The following RNF6 variants were observed in gnomAD, a reference collection of about 807,000 sequenced individuals.
The protein encoded by RNF6 is E3 ubiquitin-protein ligase RNF6.
RNF6 carries 21 observed loss-of-function variants against 50.1 expected under a neutral mutation model. The ratio of observed to expected loss-of-function variants is 0.42; its 90% CI spans 0.30 to 0.60. RNF6 has a LOEUF of 0.60. Among genes scored for constraint, RNF6 ranks in the 20% least tolerant of loss-of-function variants. The pLI is 0.20. For synonymous variants in RNF6, 255 were observed against 291.8 expected, an observed-to-expected ratio of 0.87 and a Z score of 1.29; for missense variants, 698 against 838.2, an observed-to-expected ratio of 0.83 and a Z score of 2.07.
chr13:26,168,283 T>A (rs7988263), intron 5 of RNF6, among the ~76,000 whole-genome samples: 113,220 of 152,088 alleles, frequency 0.74, 42,419 homozygotes, highest in East Asian at 0.8. Flanking sequence ...AGTGGACTGC[T>A]TGGTAATGGC....
At chr13:26,152,254 T>C (rs948396635) in intron 5 of RNF6, among the ~76,000 whole-genome samples, 1 of 152,248 alleles carries the variant, frequency 6.6e-6, no homozygotes, top group African/African-American at 2.4e-5. Context: ...GTGTGAAAGT[T>C]CTACGTTTCC....
chr13:26,221,999 C>T lies in RNF6; in HGVS notation c.-102+4G>A, dbSNP rs1053630982. 1 of 152,286 alleles carries T rather than the reference C, an allele frequency of 6.6e-6. No homozygotes were observed. Among genetic ancestry groups the T allele is most frequent in the Non-Finnish European group, 1.5e-5 (1 of 68,094 alleles). 9.4% of individuals were successfully genotyped at this position (152,286 alleles called of 1,614,324 possible). ...TGGGACCCAGATCTTTCCCTCGAGC[C>T]CACCTCTCCAGGTCTTGGGCCTTCG... is the stretch of plus-strand genomic sequence containing the variant. On this transcript the variant is annotated splice_donor_region_variant and intron_variant, in intron 1 of 4. Coordinates refer to ENST00000381588, the MANE Select transcript of RNF6 (RefSeq NM_005977.4).
intron 5 of RNF6, among the ~76,000 whole-genome samples, chr13:26,132,762 G>A (rs1209414393): frequency 6.6e-6 from 1 of 152,222 alleles, no homozygotes; most frequent in Non-Finnish European, 1.5e-5. Context: ...ATACATTTAT[G>A]TATGTAGCTG....
intron 5 of RNF6, among the ~76,000 whole-genome samples, chr13:26,143,575 T>C (rs1437143507): frequency 6.6e-6 from 1 of 152,198 alleles, no homozygotes; most frequent in Non-Finnish European, 1.5e-5. Flanking sequence ...ACTAGTACTA[T>C]CTTCATTTCC....
chr13:26,186,229 G>A (rs1028085849), intron 5 of RNF6, among the ~76,000 whole-genome samples: 7 of 152,248 alleles, frequency 4.6e-5, no homozygotes, highest in Admixed American at 1.3e-4. Flanking sequence ...ATCTTAAAAA[G>A]AGAAGTGAAA....
chr13:26,200,587 G>C (rs892979392), intron 5 of RNF6, among the ~76,000 whole-genome samples: 2 of 152,072 alleles, frequency 1.3e-5, no homozygotes, highest in Non-Finnish European at 2.9e-5. Flanking sequence ...TGTATTTTTA[G>C]TAGAGACAAG....
At chr13:26,147,993 A>C (rs892367684) in intron 5 of RNF6, among the ~76,000 whole-genome samples, 1 of 152,200 alleles carries the variant, frequency 6.6e-6, no homozygotes, top group Non-Finnish European at 1.5e-5. Flanking sequence ...CACTGCTATA[A>C]AGAACTGCCT....
At chr13:26,138,438 C>A (rs1039225016) in intron 5 of RNF6, among the ~76,000 whole-genome samples, 4 of 152,018 alleles carry the variant, frequency 2.6e-5, no homozygotes, top group Non-Finnish European at 5.9e-5. Flanking sequence ...TAAGACAACT[C>A]TATAGGTAAA....
intron 5 of RNF6, among the ~76,000 whole-genome samples, chr13:26,207,654 C>T (rs1869163234): frequency 6.6e-6 from 1 of 152,230 alleles, no homozygotes; most frequent in Non-Finnish European, 1.5e-5. Context: ...ATATGGGAAA[C>T]TGCTGGTCTG....
intron 5 of RNF6, among the ~76,000 whole-genome samples, chr13:26,198,151 CAT>C (rs1171769144): frequency 4.7e-5 from 7 of 149,946 alleles, no homozygotes; most frequent in African/African-American, 1.5e-4. Context: ...TATACACACA[CAT>C]ATATATATGA....
At position 26,215,274 on chromosome 13, in the gene RNF6, A is replaced by C; in HGVS notation, c.608T>G (p.Val203Gly). Residue 203 changes from valine (V) to glycine (G), a missense_variant, in exon 5 of 5, where the codon GTG becomes GGG. By Grantham distance (109) the Val-to-Gly change is moderately radical. Coordinates refer to ENST00000381588, the MANE Select transcript of RNF6 (RefSeq NM_005977.4). ...GTTGGAACTACTACCATTGAAATTC[A>C]CTGAGGTTTGGCTTCTTGTTCGCCT... Reference protein sequence around the residue: ...VARRTRSQTSVNFNGSSSNIP... With the variant: ...VARRTRSQTSGNFNGSSSNIP... 1 of 1,614,168 alleles carries C rather than the reference A, an allele frequency of 6.2e-7. No individual in the cohort carries two copies. Among genetic ancestry groups the C allele is most frequent in the East Asian group, 2.2e-5 (1 of 44,894 alleles).
intron 3 of RNF6, 92 bp downstream of exon 3, chr13:26,219,365 A>G: frequency 9.2e-7 from 1 of 1,082,282 alleles, no homozygotes; most frequent in Non-Finnish European, 1.3e-6. Flanking sequence ...CATAAAGAGA[A>G]GCAAGGAAAA....
Position 26,215,345 on chromosome 13 carries a change from T to C in RNF6, c.537A>G (p.Arg179=). 1 of 1,614,206 alleles carries C rather than the reference T, an allele frequency of 6.2e-7. No individual in the cohort carries two copies. The highest frequency in any genetic ancestry group is 8.5e-7 in the Non-Finnish European group (1 of 1,180,042). Residue 179 remains arginine, a synonymous_variant, in exon 5 of 5, where the codon AGA becomes AGG. Transcript: ENST00000381588. ...YTDIPLSDSN[R]DHTANRQQRS... ...TTTGTTGCCTATTTGCAGTATGATC[T>C]CTGTTACTATCTGAAAGTGGAATGT...
At chr13:26,144,212 C>T (rs915985140) in intron 5 of RNF6, among the ~76,000 whole-genome samples, 1 of 152,070 alleles carries the variant, frequency 6.6e-6, no homozygotes, top group Admixed American at 6.6e-5. Flanking sequence ...AACCTCCATC[C>T]CTGCCACCAT....
chr13:26,184,243 G>A (rs983029238), intron 5 of RNF6, among the ~76,000 whole-genome samples: 5 of 151,760 alleles, frequency 3.3e-5, no homozygotes, highest in Admixed American at 1.3e-4. Context: ...CTGTTAGCCA[G>A]GATGGTCTCG....
intron 5 of RNF6, among the ~76,000 whole-genome samples, chr13:26,147,536 A>G (rs1871313246): frequency 1.3e-5 from 2 of 152,216 alleles, no homozygotes; most frequent in Non-Finnish European, 2.9e-5. Flanking sequence ...GGTGGAGGGT[A>G]GACAGGCTGC....
chr13:26,184,245 A>G (rs1481487596), intron 5 of RNF6, among the ~76,000 whole-genome samples: 1 of 151,626 alleles, frequency 6.6e-6, no homozygotes, highest in Non-Finnish European at 1.5e-5. Context: ...GTTAGCCAGG[A>G]TGGTCTCGAT....
chr13:26,215,235 C>G lies in RNF6; in HGVS notation c.647G>C (p.Arg216Thr), dbSNP rs1391352155. 3.1e-6 allele frequency: 5 copies of G among 1,614,080 alleles called. No individual in the cohort carries two copies. The African/African-American group carries it at 6.7e-5, about 22-fold the overall frequency. The change falls in exon 5 of 5, where the codon AGG (arginine) becomes ACG (threonine). Residue 216 changes from arginine to threonine, a missense_variant. By Grantham distance (71) the Arg-to-Thr change is moderately conservative (BLOSUM62 -1). Coordinates refer to ENST00000381588, the MANE Select transcript of RNF6 (RefSeq NM_005977.4). ...TGGATTTTGCCCCCTTGAAGCAAGC[C>G]TAGTCCTTGGAATGTTGGAACTACT... ...NGSSSNIPRTRLASRGQNPAE... is the reference protein window; with the variant it reads ...NGSSSNIPRTTLASRGQNPAE...
chr13:26,181,353 C>G (rs898049260), intron 5 of RNF6, among the ~76,000 whole-genome samples: 1 of 152,190 alleles, frequency 6.6e-6, no homozygotes, highest in African/African-American at 2.4e-5. Context: ...AGGCAGAGGC[C>G]GATCAGGCGT....
Sources: allele counts gnomAD v4.1 joint callset (sites outside exome capture counted in the v4.1 genomes callset), GRCh38; gene constraint gnomAD v4.1.1; transcripts MANE v1.5; gene names NCBI Gene and HGNC (gene_info 2026-07-23, HGNC 2026-07-21).